Variants in SEMA3E observed in about 807,000 individuals in gnomAD.
SEMA3E encodes semaphorin 3E, also known as semaphorin-3E.
In SEMA3E, 49 loss-of-function variants were observed where a neutral mutation model predicts 93.6. That is an observed-to-expected ratio of 0.52 (90% CI 0.42 to 0.66). The LOEUF (loss-of-function observed/expected upper bound fraction) is 0.66, where lower values mean the gene tolerates loss of function less well. Among genes scored for constraint, SEMA3E ranks in the 30% least tolerant of loss-of-function variants. The pLI is 0.00. For synonymous variants in SEMA3E, 363 were observed against 330.7 expected (o/e 1.10, Z -1.06); for missense variants, 906 against 964.8 (o/e 0.94, Z 0.81).
At chr7:83,409,380 C>T (rs1035165654) in intron 5 of SEMA3E, among the ~76,000 whole-genome samples, 7 of 152,112 alleles carry the variant, frequency 4.6e-5, no homozygotes, top group Non-Finnish European at 5.9e-5. Context: ...TGGCCATACC[C>T]GGCTCAGTTG....
Position 83,385,373 on chromosome 7 carries a change from A to G in SEMA3E, c.1796T>C (p.Leu599Ser). 1 of 1,613,672 alleles carries G rather than the reference A, an allele frequency of 6.2e-7. No homozygotes were observed. The change falls in exon 16 of 17, where the codon TTG (leucine) becomes TCG (serine). Residue 599 changes from leucine (L) to serine (S), a missense_variant. Physicochemically the swap from Leu to Ser is moderately radical, Grantham distance 145. Transcript: ENST00000643230. ...TAAAGATCGTGGGGTACATTCCAGC[A>G]AAGTACTGTTGTTCTCTATGCCATA... is the stretch of plus-strand genomic sequence containing the variant. ...LAYGIENNST[L>S]LECTPRSLQA...
At chr7:83,430,111 G>T (rs1443516617) in intron 4 of SEMA3E, among the ~76,000 whole-genome samples, 2 of 152,130 alleles carry the variant, frequency 1.3e-5, no homozygotes, top group African/African-American at 2.4e-5. Context: ...ATGCATGCTA[G>T]TCTTTTTTAA....
intron 1 of SEMA3E, among the ~76,000 whole-genome samples, chr7:83,563,485 ACAG>A (rs368994206): frequency 1.3e-5 from 2 of 151,994 alleles, no homozygotes; most frequent in Non-Finnish European, 1.5e-5. Flanking sequence ...TGGACCAGCA[ACAG>A]CAGCAGCAGC....
At chr7:83,611,308 T>C (rs535042195) in intron 1 of SEMA3E, among the ~76,000 whole-genome samples, 1 of 144,090 alleles carries the variant, frequency 6.9e-6, no homozygotes. Flanking sequence ...ATTATATATA[T>C]AAATTTATGT....
intron 4 of SEMA3E, among the ~76,000 whole-genome samples, chr7:83,433,538 C>A (rs1788932881): frequency 6.6e-6 from 1 of 151,084 alleles, no homozygotes; most frequent in African/African-American, 2.4e-5. Flanking sequence ...TTAGAAGCAT[C>A]TTTTAAATTA....
intron 2 of SEMA3E, among the ~76,000 whole-genome samples, chr7:83,471,790 T>C (rs1789902585): frequency 3.9e-5 from 6 of 152,178 alleles, no homozygotes; most frequent in Non-Finnish European, 8.8e-5. Context: ...GTAATTTGAT[T>C]AAACTGTAGA....
At chr7:83,545,220 T>G (rs3801541) in intron 1 of SEMA3E, among the ~76,000 whole-genome samples, 1 of 151,742 alleles carries the variant, frequency 6.6e-6, no homozygotes, top group African/African-American at 2.4e-5. Context: ...ATAAGCTACA[T>G]GGGGGCATAG....
At chr7:83,430,910 A>G (rs1788867860) in intron 4 of SEMA3E, among the ~76,000 whole-genome samples, 1 of 152,192 alleles carries the variant, frequency 6.6e-6, no homozygotes, top group South Asian at 2.1e-4. Flanking sequence ...ACCAAAAGTT[A>G]CTATGGCCAA....
At chr7:83,453,380 A>G (rs1365835201) in intron 4 of SEMA3E, among the ~76,000 whole-genome samples, 7 of 151,682 alleles carry the variant, frequency 4.6e-5, no homozygotes, top group Admixed American at 4.6e-4. Context: ...TTAACTTTCA[A>G]TATCAACTCC....
At chr7:83,523,890 T>C (rs1791100847) in intron 1 of SEMA3E, among the ~76,000 whole-genome samples, 1 of 152,090 alleles carries the variant, frequency 6.6e-6, no homozygotes, top group African/African-American at 2.4e-5. Context: ...GCCTAGGACA[T>C]AGAAAGCCTG....
chr7:83,473,676 T>C (rs1291044215), intron 2 of SEMA3E, among the ~76,000 whole-genome samples: 1 of 152,242 alleles, frequency 6.6e-6, no homozygotes, highest in African/African-American at 2.4e-5. Flanking sequence ...GAAATATTCC[T>C]CTGGAGTTGA....
intron 16 of SEMA3E, chr7:83,372,216 TG>T (rs1209886625): frequency 2.5e-6 from 1 of 397,980 alleles, no homozygotes; most frequent in East Asian, 3.6e-5. Flanking sequence ...GGAGCAAACA[TG>T]GTTTCAGGAG....
intron 1 of SEMA3E, among the ~76,000 whole-genome samples, chr7:83,514,178 G>T (rs1370701784): frequency 1.3e-5 from 2 of 152,050 alleles, no homozygotes; most frequent in East Asian, 3.9e-4. Flanking sequence ...CTAAAAAGGG[G>T]GGTGGAGGCG....
At chr7:83,454,799 CAT>C (rs1044569354) in intron 4 of SEMA3E, among the ~76,000 whole-genome samples, 16 of 152,148 alleles carry the variant, frequency 1.1e-4, no homozygotes, top group Admixed American at 9.2e-4. Context: ...ACGTGTAACA[CAT>C]ATGACTTTAA....
intron 14 of SEMA3E, among the ~76,000 whole-genome samples, chr7:83,391,929 G>T (rs536469935): frequency 8.5e-5 from 13 of 152,054 alleles, no homozygotes; most frequent in Non-Finnish European, 1.8e-4. Flanking sequence ...TTTTCCTGAG[G>T]TATTTCCACA....
intron 1 of SEMA3E, among the ~76,000 whole-genome samples, chr7:83,552,352 C>T (rs758204303): frequency 2.6e-5 from 4 of 152,164 alleles, no homozygotes; most frequent in Non-Finnish European, 5.9e-5. Flanking sequence ...GGATGTACAT[C>T]ACCTCAAGAC....
intron 1 of SEMA3E, among the ~76,000 whole-genome samples, chr7:83,534,226 A>G (rs1364552290): frequency 6.6e-6 from 1 of 152,162 alleles, no homozygotes; most frequent in African/African-American, 2.4e-5. Context: ...GATTTATTCT[A>G]TCTCATTTTT....
chr7:83,617,798 C>T (rs1297817797), intron 1 of SEMA3E, among the ~76,000 whole-genome samples: 2 of 151,444 alleles, frequency 1.3e-5, no homozygotes, highest in Admixed American at 6.6e-5. Flanking sequence ...AAAAAGCATT[C>T]TTTCACAACA....
At chr7:83,401,188 A>G (rs2115621423) in intron 10 of SEMA3E, among the ~76,000 whole-genome samples, 1 of 152,276 alleles carries the variant, frequency 6.6e-6, no homozygotes, top group South Asian at 2.1e-4. Context: ...CAGTAGCTTA[A>G]GTTACTCATT....
Sources: gnomAD v4.1 joint callset for allele counts (sites outside exome capture counted in the v4.1 genomes callset) on GRCh38, gnomAD v4.1.1 for gene constraint, MANE v1.5 for transcripts, NCBI Gene and HGNC (gene_info 2026-07-23, HGNC 2026-07-21) for gene names.